SAXO1: variants seen among roughly 807,000 people sequenced by gnomAD.
SAXO1 encodes the protein 4930500O09Rik.
In SAXO1, 21 loss-of-function variants were observed where a neutral mutation model predicts 17.5. The ratio of observed to expected loss-of-function variants is 1.20; its 90% CI spans 0.85 to 1.72. SAXO1 has a LOEUF of 1.72. SAXO1 is among the 40% of genes most tolerant of loss of function. The probability of loss-of-function intolerance (pLI) is 0.00; values close to 1 mark genes in which losing one functional copy is unlikely to be tolerated. For synonymous variants in SAXO1, 274 were observed against 216.5 expected (o/e 1.27, Z -2.33); for missense variants, 843 against 596.0 (o/e 1.41, Z -4.32).
At chr9:19,025,460 A>G (rs551621754) in intron 1 of SAXO1, among the ~76,000 whole-genome samples, 1 of 152,350 alleles carries the variant, frequency 6.6e-6, no homozygotes, top group South Asian at 2.1e-4. Context: ...AATATTTTCC[A>G]AAATTAAAAT....
At chr9:18,988,931 A>G (rs1055310497) in intron 1 of SAXO1, among the ~76,000 whole-genome samples, 6 of 152,212 alleles carry the variant, frequency 3.9e-5, no homozygotes, top group Non-Finnish European at 8.8e-5. Context: ...GAAAATAATT[A>G]TTAATCAGAG....
At chr9:18,940,111 G>A (rs1179711305) in intron 3 of SAXO1, among the ~76,000 whole-genome samples, 1 of 152,176 alleles carries the variant, frequency 6.6e-6, no homozygotes, top group Non-Finnish European at 1.5e-5. Context: ...CCATGGGGAG[G>A]GACAGACACA....
intron 1 of SAXO1, among the ~76,000 whole-genome samples, chr9:19,023,038 A>C (rs192987851): frequency 8.3e-4 from 127 of 152,276 alleles, no homozygotes; most frequent in African/African-American, 2.9e-3. Flanking sequence ...TAGGCATCCC[A>C]GAAAGGGCAG....
At chr9:19,018,961 T>A (rs902531217) in intron 1 of SAXO1, among the ~76,000 whole-genome samples, 1 of 151,742 alleles carries the variant, frequency 6.6e-6, no homozygotes, top group African/African-American at 2.4e-5. Flanking sequence ...AATACAAAAT[T>A]AGCCAGGCTT....
At chr9:18,998,559 G>A (rs976881567) in intron 1 of SAXO1, among the ~76,000 whole-genome samples, 52 of 152,144 alleles carry the variant, frequency 3.4e-4, no homozygotes, top group African/African-American at 1.2e-3. Context: ...TTATCCAGAA[G>A]AACTTTCCCA....
chr9:18,981,145 A>G (rs1366134800), intron 1 of SAXO1, among the ~76,000 whole-genome samples: 2 of 152,242 alleles, frequency 1.3e-5, no homozygotes, highest in African/African-American at 4.8e-5. Context: ...TCACTTTAAC[A>G]GTAGTGCTTC....
At position 19,019,347 on chromosome 9, in the gene SAXO1, T is replaced by A. The variant is rs1241985318; in HGVS notation, c.38+13524A>T. Among the ~76,000 whole-genome samples, 4 of 151,764 alleles carry A rather than the reference T, an allele frequency of 2.6e-5. No individual in the cohort carries two copies. The East Asian group carries it at 7.7e-4, about 29-fold the overall frequency. On this transcript the variant is annotated intron_variant, in intron 1 of 3. Coordinates refer to ENST00000380534, the MANE Select transcript of SAXO1 (RefSeq NM_153707.4). ...AGGTTTCTAGTGTTGAAAGTGATCC[T>A]AGAGATAATTTTGTCAAACCTCCTG... is the stretch of plus-strand genomic sequence containing the variant.
intron 1 of SAXO1, among the ~76,000 whole-genome samples, chr9:18,953,731 G>C (rs756652505): frequency 5.9e-5 from 9 of 152,012 alleles, no homozygotes; most frequent in Non-Finnish European, 2.9e-5. Context: ...CAAAGATCAA[G>C]TCTGACATCT....
intron 1 of SAXO1, among the ~76,000 whole-genome samples, chr9:18,998,655 G>A (rs772336721): frequency 6.6e-5 from 10 of 152,090 alleles, no homozygotes; most frequent in African/African-American, 1.4e-4. Context: ...CCCCAAACAC[G>A]TAATTGTCAG....
chr9:19,005,960 C>T (rs971597067), intron 1 of SAXO1, among the ~76,000 whole-genome samples: 4 of 152,210 alleles, frequency 2.6e-5, no homozygotes, highest in Admixed American at 1.3e-4. Flanking sequence ...AAACAAACAA[C>T]CCACCTTGAG....
upstream of SAXO1, among the ~76,000 whole-genome samples, chr9:19,033,806 C>A (rs1563995586): frequency 6.6e-6 from 1 of 152,200 alleles, no homozygotes; most frequent in Non-Finnish European, 1.5e-5. Context: ...ACCCCACCCC[C>A]AGTTTCTGAT....
At chr9:18,933,146 T>G (rs1188498344) in intron 3 of SAXO1, among the ~76,000 whole-genome samples, 1 of 151,778 alleles carries the variant, frequency 6.6e-6, no homozygotes, top group Non-Finnish European at 1.5e-5. Flanking sequence ...ACATTAAGTA[T>G]GATGTTTTAG....
At chr9:18,988,666 A>G (rs1440558035) in intron 1 of SAXO1, among the ~76,000 whole-genome samples, 2 of 152,316 alleles carry the variant, frequency 1.3e-5, no homozygotes, top group East Asian at 3.9e-4. Context: ...ATGCATGCCC[A>G]TTGTATGTAA....
At chr9:18,981,379 A>G (rs1348418970) in intron 1 of SAXO1, among the ~76,000 whole-genome samples, 1 of 152,214 alleles carries the variant, frequency 6.6e-6, no homozygotes, top group Non-Finnish European at 1.5e-5. Context: ...GATTTATCTA[A>G]GGTCATACGT....
intron 1 of SAXO1, among the ~76,000 whole-genome samples, chr9:19,010,143 A>T (rs1011286411): frequency 4.9e-5 from 2 of 40,846 alleles, no homozygotes; most frequent in Non-Finnish European, 9.9e-5. Context: ...TTTTTAATCT[A>T]AAAAAAAACA....
intron 1 of SAXO1, among the ~76,000 whole-genome samples, chr9:19,047,278 C>G (rs776765466): frequency 6.6e-6 from 1 of 152,076 alleles, no homozygotes. Context: ...GCAAGAGAAT[C>G]TCTTGAACCC....
At chr9:19,035,249 T>C (rs1013193468), upstream of SAXO1, among the ~76,000 whole-genome samples, 2 of 152,194 alleles carry the variant, frequency 1.3e-5, no homozygotes, top group African/African-American at 4.8e-5. Flanking sequence ...GGGAGATAAT[T>C]TGAATCATGG....
intron 1 of SAXO1, among the ~76,000 whole-genome samples, chr9:18,954,803 G>A (rs1238704091): frequency 2.0e-5 from 3 of 151,748 alleles, no homozygotes; most frequent in Admixed American, 6.6e-5. Flanking sequence ...TACATTTCCT[G>A]ACATACAACT....
chr9:19,045,316 CAAAAAAAAAAAAAAAA>C (rs575855900), intron 1 of SAXO1, among the ~76,000 whole-genome samples: 14 of 89,308 alleles, frequency 1.6e-4, no homozygotes, highest in South Asian at 4.9e-4. Context: ...GACTCCGTCT[CAAAAAAAAAAAAAAAA>C]AAAAAAAAAA....
Sources: allele counts gnomAD v4.1 joint callset (sites outside exome capture counted in the v4.1 genomes callset), GRCh38; gene constraint gnomAD v4.1.1; transcripts MANE v1.5; gene names NCBI Gene and HGNC (gene_info 2026-07-23, HGNC 2026-07-21).